CFAP20DC: variants seen among roughly 807,000 people sequenced by gnomAD.
CFAP20DC encodes CFAP20 domain containing.
CFAP20DC carries 84 observed loss-of-function variants against 101.7 expected under a neutral mutation model. The observed-to-expected ratio is 0.83, with a 90% confidence interval of 0.69 to 0.99. The LOEUF (loss-of-function observed/expected upper bound fraction) is 0.99. CFAP20DC is among the 50% of genes least tolerant of loss of function. CFAP20DC has a pLI of 0.00. For synonymous variants in CFAP20DC, 359 were observed against 351.2 expected (o/e 1.02, Z -0.25); for missense variants, 1,007 against 970.3 (o/e 1.04, Z -0.50).
At chr3:58,866,096 G>A (rs545358728) in intron 11 of CFAP20DC, among the ~76,000 whole-genome samples, 1 of 152,298 alleles carries the variant, frequency 6.6e-6, no homozygotes, top group East Asian at 1.9e-4. Flanking sequence ...TTTAATGAAG[G>A]TTTCAACGTT....
At chr3:58,961,510 C>T (rs182516094) in intron 4 of CFAP20DC, among the ~76,000 whole-genome samples, 11 of 152,130 alleles carry the variant, frequency 7.2e-5, no homozygotes, top group African/African-American at 1.4e-4. Flanking sequence ...GCGAAGATCA[C>T]GCCACTGCAC....
intron 4 of CFAP20DC, among the ~76,000 whole-genome samples, chr3:58,973,069 C>T (rs1452578481): frequency 6.6e-6 from 1 of 152,168 alleles, no homozygotes; most frequent in Non-Finnish European, 1.5e-5. Flanking sequence ...TAGCAGCTCC[C>T]AGGCTCTCTT....
At chr3:58,819,711 G>A (rs1042796485) in intron 14 of CFAP20DC, among the ~76,000 whole-genome samples, 2 of 143,470 alleles carry the variant, frequency 1.4e-5, no homozygotes, top group Admixed American at 1.4e-4. Context: ...TCTACCAGAG[G>A]TACAAGGAGG....
At position 59,005,316 on chromosome 3, in the gene CFAP20DC, A is replaced by G. The variant is rs565832586; in HGVS notation, c.278+34241T>C. ...CCAGCCACATGCACAGTTCAAGCCTATTTGCCTAGCCAGGCCTAGTAACTC... is the reference window on the plus strand; with the variant it reads ...CCAGCCACATGCACAGTTCAAGCCTGTTTGCCTAGCCAGGCCTAGTAACTC... On this transcript the variant is annotated intron_variant, in intron 4 of 16. Transcript: ENST00000482387. 2.0e-5 allele frequency among the ~76,000 whole-genome samples: 3 copies of G among 152,262 alleles called. No homozygotes were observed. In the South Asian group the frequency reaches 6.2e-4, roughly 32 times the overall value.
intron 5 of CFAP20DC, among the ~76,000 whole-genome samples, chr3:58,917,515 C>T (rs1248652310): frequency 6.6e-6 from 1 of 152,176 alleles, no homozygotes; most frequent in Non-Finnish European, 1.5e-5. Context: ...ATTTCATACC[C>T]TGGCAATCCT....
At chr3:58,862,910 T>C in intron 12 of CFAP20DC, 9 of 975,960 alleles carry the variant, frequency 9.2e-6, no homozygotes, top group Non-Finnish European at 1.1e-5. Flanking sequence ...TTTAAACAAA[T>C]ATTTCCAAAT....
rs112827949 is a variant in CFAP20DC, at chr3:58,799,733, C to CTGTG, written c.2237+6658_2237+6661dup. ...AGTGTGTGTGTGTCTGTGTGTGTGT[C>CTGTG]TGTGTGTGTGTGTGTGTGTGTGTGT... On this transcript the variant is annotated intron_variant, in intron 15 of 16. Transcript: ENST00000482387. This position sits in a 1 kb window ranked among gnomAD's most constrained non-coding sequence, Gnocchi z 4.9. 0.053 allele frequency among the ~76,000 whole-genome samples: 7,562 copies of CTGTG among 142,938 alleles called. 225 individuals are homozygous for CTGTG. The highest frequency in any genetic ancestry group is 0.065 in the Non-Finnish European group (4,163 of 63,980). 93.8% of individuals were successfully genotyped at this position (142,938 alleles called of 152,430 possible). A position where few individuals can be genotyped will look rare whatever the true frequency, so the allele number is the denominator to read the frequency against.
intron 4 of CFAP20DC, among the ~76,000 whole-genome samples, chr3:59,028,902 C>T (rs1024283105): frequency 6.6e-6 from 1 of 152,142 alleles, no homozygotes; most frequent in African/African-American, 2.4e-5. Context: ...ACTCTCACCC[C>T]ATAAGGTGAG....
chr3:58,729,661 T>C lies in CFAP20DC; in HGVS notation c.198-12033A>G, dbSNP rs1044556525. Among the ~76,000 whole-genome samples the C allele has an allele frequency of 3.3e-5, 5 of 152,174 alleles. No homozygotes were observed. Among genetic ancestry groups the C allele is most frequent in the Non-Finnish European group, 7.4e-5 (5 of 68,026 alleles). On this transcript the variant is annotated intron_variant, in intron 3 of 3. Transcript: ENST00000486145. This position sits in a 1 kb window ranked among gnomAD's most constrained non-coding sequence, Gnocchi z 4.4. Reference sequence around the variant, plus strand: ...TAATTCTGGCTTTATTTGTATTTATTTGTATAAGCTTTTTAGTTGTTCCCA... The same window carrying C: ...TAATTCTGGCTTTATTTGTATTTATCTGTATAAGCTTTTTAGTTGTTCCCA...
rs141423122 is a variant in CFAP20DC, at chr3:58,755,188, A to C, written c.2238-1325T>G. Among the ~76,000 whole-genome samples the C allele has an allele frequency of 1.5e-3, 232 of 152,304 alleles. 1 individual carries two copies. Among genetic ancestry groups the C allele is most frequent in the African/African-American group, 5.3e-3 (222 of 41,580 alleles). On this transcript the variant is annotated intron_variant, in intron 15 of 16. Transcript: ENST00000482387. ...ACTTATAATATTTTACGATACTTTC[A>C]GTCACTGCTCACCACAGCTATCACT...
At chr3:58,901,843 T>TACCA (rs2083174948) in intron 6 of CFAP20DC, among the ~76,000 whole-genome samples, 1 of 152,214 alleles carries the variant, frequency 6.6e-6, no homozygotes, top group South Asian at 2.1e-4. Context: ...GTTGTGCAAC[T>TACCA]ACCACCTCTA....
chr3:58,938,552 G>GA lies in CFAP20DC; in HGVS notation c.279-791dup, dbSNP rs546209175. On this transcript the variant is annotated intron_variant, in intron 4 of 16. Transcript: ENST00000482387. ...AGAATGATTTTTCCCCGTTATTAGG[G>GA]AAAAACTTTGTTTAGACACATTACA... Among the ~76,000 whole-genome samples the GA allele has an allele frequency of 2.5e-3, 375 of 152,162 alleles. 5 individuals carry two copies. The highest frequency in any genetic ancestry group is 8.0e-3 in the African/African-American group (334 of 41,504).
intron 4 of CFAP20DC, among the ~76,000 whole-genome samples, chr3:58,977,484 A>T (rs2092326708): frequency 2.0e-5 from 3 of 152,190 alleles, no homozygotes; most frequent in Admixed American, 2.0e-4. Context: ...ACATTTTAGA[A>T]AACACTGAGG....
chr3:58,854,431 A>G (rs2078563924), intron 12 of CFAP20DC, among the ~76,000 whole-genome samples: 2 of 150,960 alleles, frequency 1.3e-5, no homozygotes, highest in African/African-American at 2.4e-5. Flanking sequence ...TACAGATTCA[A>G]TGCCATCCCC....
chr3:58,945,070 A>G (rs1402918588), intron 4 of CFAP20DC, among the ~76,000 whole-genome samples: 1 of 152,212 alleles, frequency 6.6e-6, no homozygotes, highest in African/African-American at 2.4e-5. Flanking sequence ...TACTTTATCT[A>G]ATTTAATCCT....
rs909599837 is a variant in CFAP20DC at position 58,799,710 on chromosome 3, T to G, written c.2237+6685A>C. Among the ~76,000 whole-genome samples, 3 of 147,496 alleles carry G rather than the reference T, an allele frequency of 2.0e-5. No individual in the cohort carries two copies. The highest frequency in any genetic ancestry group is 3.0e-5 in the Non-Finnish European group (2 of 67,364). On this transcript the variant is annotated intron_variant, in intron 15 of 16. Transcript: ENST00000482387. The surrounding 1 kb of genome is among the most constrained non-coding windows in gnomAD (Gnocchi z 4.9). The stretch of plus-strand genomic sequence containing the variant: ...CATTCCAGCATTCGAGAAGGAGCAG[T>G]GTGTGTGTGTCTGTGTGTGTGTCTG...
At chr3:58,947,745 T>C (rs1000278446) in intron 4 of CFAP20DC, among the ~76,000 whole-genome samples, 7 of 152,082 alleles carry the variant, frequency 4.6e-5, no homozygotes, top group African/African-American at 1.7e-4. Context: ...ACGGTGCAAG[T>C]AGTCTATTTC....
chr3:58,814,242 A>T (rs912894018), intron 14 of CFAP20DC, among the ~76,000 whole-genome samples: 1 of 151,778 alleles, frequency 6.6e-6, no homozygotes, highest in African/African-American at 2.4e-5. Context: ...CAAATGACTT[A>T]CTCCATCCCT....
chr3:58,854,061 G>A (rs1266278430), intron 12 of CFAP20DC, among the ~76,000 whole-genome samples: 4 of 152,120 alleles, frequency 2.6e-5, no homozygotes, highest in Non-Finnish European at 2.9e-5. Flanking sequence ...GTTTGCAGAC[G>A]ACATGATTGT....
Sources: allele counts gnomAD v4.1 joint callset (sites outside exome capture counted in the v4.1 genomes callset), GRCh38; gene constraint gnomAD v4.1.1; non-coding constraint Gnocchi (gnomAD v3.1); transcripts MANE v1.5; gene names NCBI Gene and HGNC (gene_info 2026-07-23, HGNC 2026-07-21).